The following RIMS1 variants were observed in gnomAD, a reference collection of about 807,000 sequenced individuals.
RIMS1 encodes the protein regulating synaptic membrane exocytosis protein 1.
Under a neutral mutation model 214.1 loss-of-function variants are expected in RIMS1, and 83 were observed. The ratio of observed to expected loss-of-function variants is 0.39; its 90% CI spans 0.32 to 0.47. The LOEUF is 0.47. RIMS1 is among the 20% of genes least tolerant of loss of function. RIMS1 has a pLI of 0.99. For synonymous variants in RIMS1, 793 were observed against 786.8 expected (o/e 1.01, Z -0.13); for missense variants, 2,050 against 2,161.8 (o/e 0.95, Z 1.03).
intron 9 of RIMS1, among the ~76,000 whole-genome samples, chr6:72,241,268 A>G (rs2066783376): frequency 6.6e-6 from 1 of 152,178 alleles, no homozygotes; most frequent in Non-Finnish European, 1.5e-5. Context: ...ACACAAATTT[A>G]CTTTGCTCAT....
At chr6:71,939,370 C>T (rs1362497945) in intron 1 of RIMS1, among the ~76,000 whole-genome samples, 1 of 152,224 alleles carries the variant, frequency 6.6e-6, no homozygotes, top group African/African-American at 2.4e-5. Context: ...TGGTAGCCCA[C>T]TTCTCCAGTT....
chr6:72,026,455 G>GCC lies in RIMS1; in HGVS notation c.245+57402_245+57403dup, dbSNP rs3079699. On this transcript the variant is annotated intron_variant, in intron 2 of 33. Coordinates refer to ENST00000521978, the MANE Select transcript of RIMS1 (RefSeq NM_014989.7). ...TAATGTATTCTTCTCCCCCAGCACC[G>GCC]CCCCCCCCCCCAACTTTTTTTTTTC... is the stretch of plus-strand genomic sequence containing the variant. Among the ~76,000 whole-genome samples, 208 of 85,604 alleles carry GCC rather than the reference G, an allele frequency of 2.4e-3. 1 individual carries two copies. Among genetic ancestry groups the GCC allele is most frequent in the Middle Eastern group, 7.4e-3 (1 of 136 alleles). The allele number at this position is 85,604 out of a possible 152,430, so 56.2% of individuals were successfully genotyped here. A position where few individuals can be genotyped will look rare whatever the true frequency, so the allele number is the denominator to read the frequency against.
chr6:72,112,063 A>C (rs1324826870), intron 4 of RIMS1, among the ~76,000 whole-genome samples: 2 of 152,104 alleles, frequency 1.3e-5, no homozygotes, highest in Non-Finnish European at 2.9e-5. Context: ...AGCTCTCCAA[A>C]CCAGCTTATT....
At chr6:72,151,103 C>T (rs1024016052) in intron 4 of RIMS1, among the ~76,000 whole-genome samples, 13 of 151,956 alleles carry the variant, frequency 8.6e-5, no homozygotes, top group African/African-American at 1.9e-4. Context: ...AGTGCAGTGG[C>T]GCAATCTCGG....
At chr6:72,110,245 A>G (rs1256466547) in intron 4 of RIMS1, among the ~76,000 whole-genome samples, 3 of 152,170 alleles carry the variant, frequency 2.0e-5, no homozygotes, top group Admixed American at 2.0e-4. Context: ...GAAGAAAGTC[A>G]TTGGTAGCTT....
rs541406000 is a variant in RIMS1 at position 72,324,790 on chromosome 6, A to G, written c.4131-8810A>G. Among the ~76,000 whole-genome samples, 4 of 151,852 alleles carry G rather than the reference A, an allele frequency of 2.6e-5. No individual in the cohort carries two copies. The South Asian group carries it at 8.3e-4, about 32-fold the overall frequency. ...GGTTTACTGGAACACATCTATGCCC[A>G]TTTCCTAATATATCGTCTATGGCTG... On this transcript the variant is annotated intron_variant, in intron 28 of 33. Coordinates refer to ENST00000521978, the MANE Select transcript of RIMS1 (RefSeq NM_014989.7).
chr6:72,077,409 A>G (rs1384668209), intron 2 of RIMS1, among the ~76,000 whole-genome samples: 2 of 152,228 alleles, frequency 1.3e-5, no homozygotes, highest in African/African-American at 2.4e-5. Context: ...AGCACCTGGT[A>G]TGCAGTAGAT....
chr6:71,986,844 C>G (rs953728368), intron 2 of RIMS1, among the ~76,000 whole-genome samples: 1 of 152,228 alleles, frequency 6.6e-6, no homozygotes, highest in South Asian at 2.1e-4. Flanking sequence ...TGTGAGAGTG[C>G]TTTTGACTCA....
At chr6:71,986,799 C>T (rs996040843) in intron 2 of RIMS1, among the ~76,000 whole-genome samples, 1 of 152,230 alleles carries the variant, frequency 6.6e-6, no homozygotes, top group Non-Finnish European at 1.5e-5. Context: ...GAATATCAAT[C>T]AGTTGGAATG....
intron 4 of RIMS1, among the ~76,000 whole-genome samples, chr6:72,132,887 T>C (rs2040666537): frequency 1.3e-5 from 2 of 152,254 alleles, no homozygotes; most frequent in African/African-American, 4.8e-5. Flanking sequence ...TTTGGACTAA[T>C]ATTTATTGAG....
At chr6:72,121,604 G>A (rs540835783) in intron 4 of RIMS1, among the ~76,000 whole-genome samples, 7 of 151,856 alleles carry the variant, frequency 4.6e-5, no homozygotes, top group Admixed American at 1.3e-4. Context: ...GCAAACAGGG[G>A]CAATTTGACT....
intron 16 of RIMS1, among the ~76,000 whole-genome samples, chr6:72,253,517 A>G (rs1011897918): frequency 6.6e-6 from 1 of 152,182 alleles, no homozygotes; most frequent in African/African-American, 2.4e-5. Flanking sequence ...CTTGGCACTA[A>G]TTCTATACTT....
intron 6 of RIMS1, among the ~76,000 whole-genome samples, chr6:72,188,235 T>C (rs2049454923): frequency 6.6e-6 from 1 of 152,202 alleles, no homozygotes; most frequent in Admixed American, 6.5e-5. Flanking sequence ...TCCTGTCAAG[T>C]TGACACTCGA....
chr6:71,946,970 T>C (rs1207895754), intron 1 of RIMS1, among the ~76,000 whole-genome samples: 1 of 152,030 alleles, frequency 6.6e-6, no homozygotes, highest in East Asian at 1.9e-4. Context: ...GATTAAAAAA[T>C]GGACAAAAGA....
At chr6:72,233,626 T>C in intron 6 of RIMS1, 147 bp from the exon 7 acceptor site, 2 of 629,340 alleles carry the variant, frequency 3.2e-6, no homozygotes, top group Non-Finnish European at 2.9e-6. Flanking sequence ...AGTCACAACC[T>C]TTGCAACACA....
At chr6:72,210,640 C>T (rs1279071928) in intron 6 of RIMS1, among the ~76,000 whole-genome samples, 1 of 152,050 alleles carries the variant, frequency 6.6e-6, no homozygotes, top group Non-Finnish European at 1.5e-5. Context: ...GTGAGAGTCC[C>T]CAAATTTAAG....
At chr6:71,941,849 T>A (rs568451691) in intron 1 of RIMS1, among the ~76,000 whole-genome samples, 1 of 152,322 alleles carries the variant, frequency 6.6e-6, no homozygotes, top group South Asian at 2.1e-4. Context: ...GGCTTCGTGA[T>A]CTGGAATAGG....
chr6:72,379,370 G>C (rs577834725), intron 29 of RIMS1, among the ~76,000 whole-genome samples: 41 of 152,262 alleles, frequency 2.7e-4, no homozygotes, highest in Non-Finnish European at 5.3e-4. Context: ...TTCAAGAGCA[G>C]AGGAGGGAAG....
At chr6:71,934,941 T>G (rs929246368) in intron 1 of RIMS1, among the ~76,000 whole-genome samples, 2 of 152,190 alleles carry the variant, frequency 1.3e-5, no homozygotes, top group African/African-American at 4.8e-5. Flanking sequence ...CCTGTAACAA[T>G]AGAGGTGAGA....
Sources: allele counts gnomAD v4.1 joint callset (sites outside exome capture counted in the v4.1 genomes callset), GRCh38; gene constraint gnomAD v4.1.1; transcripts MANE v1.5; gene names NCBI Gene and HGNC (gene_info 2026-07-23, HGNC 2026-07-21).